GRIK3: variants seen among roughly 807,000 people sequenced by gnomAD.
GRIK3 encodes the protein glutamate ionotropic receptor kainate type subunit 3.
GRIK3 carries 29 observed loss-of-function variants against 102.5 expected under a neutral mutation model. The ratio of observed to expected loss-of-function variants is 0.28; its 90% CI spans 0.21 to 0.39. The LOEUF is 0.39. Among genes scored for constraint, GRIK3 ranks in the 10% least tolerant of loss-of-function variants. GRIK3 has a pLI of 1.00. For missense variants in GRIK3, 908 were observed against 1,252.4 expected (o/e 0.73, Z 4.15); for synonymous variants, 511 against 504.9 (o/e 1.01, Z -0.16).
chr1:36,957,430 TC>T (rs1641927344), intron 1 of GRIK3, among the ~76,000 whole-genome samples: 1 of 87,070 alleles, frequency 1.1e-5, no homozygotes, highest in African/African-American at 4.6e-5. Context: ...CCCATGAGCC[TC>T]TGTGCTCTGT....
intron 1 of GRIK3, among the ~76,000 whole-genome samples, chr1:36,998,109 T>A (rs1557457607): frequency 1.3e-5 from 2 of 152,194 alleles, no homozygotes; most frequent in Admixed American, 1.3e-4. Flanking sequence ...AGGCTCATCT[T>A]ATAGGGGCCA....
At chr1:36,802,666 G>A (rs547378816) in intron 15 of GRIK3, among the ~76,000 whole-genome samples, 1 of 152,302 alleles carries the variant, frequency 6.6e-6, no homozygotes, top group South Asian at 2.1e-4. Context: ...GGAACATCAA[G>A]AGCGCAGCGT....
intron 1 of GRIK3, among the ~76,000 whole-genome samples, chr1:36,967,181 G>A (rs975986926): frequency 2.0e-5 from 3 of 152,180 alleles, no homozygotes; most frequent in African/African-American, 7.2e-5. Context: ...AGTTTGATCA[G>A]TGCTGTGATA....
At chr1:37,029,128 C>A (rs1642794011) in intron 1 of GRIK3, among the ~76,000 whole-genome samples, 1 of 151,154 alleles carries the variant, frequency 6.6e-6, no homozygotes, top group Non-Finnish European at 1.5e-5. Context: ...GAAGAATCAG[C>A]ACCTGGGAGA....
intron 1 of GRIK3, among the ~76,000 whole-genome samples, chr1:37,007,448 C>T (rs916677546): frequency 6.6e-6 from 1 of 152,184 alleles, no homozygotes. Context: ...AGAAAACCTG[C>T]TAGAGGAGGT....
intron 11 of GRIK3, among the ~76,000 whole-genome samples, chr1:36,822,886 C>T (rs1034285357): frequency 2.0e-5 from 3 of 152,184 alleles, no homozygotes; most frequent in African/African-American, 7.2e-5. Context: ...TCCTACCTCA[C>T]CAGGCATGAA....
At chr1:36,851,702 ACCCGGTG>A (rs1640587584) in intron 8 of GRIK3, among the ~76,000 whole-genome samples, 1 of 152,218 alleles carries the variant, frequency 6.6e-6, no homozygotes, top group African/African-American at 2.4e-5. Flanking sequence ...GGTGGCTGTG[ACCCGGTG>A]CCTTGGTGAG....
chr1:36,898,842 A>C (rs147661628), intron 1 of GRIK3, among the ~76,000 whole-genome samples: 1 of 152,290 alleles, frequency 6.6e-6, no homozygotes, highest in Non-Finnish European at 1.5e-5. Context: ...TACTGGCATA[A>C]AGACAAACTA....
At chr1:36,869,896 T>C in intron 4 of GRIK3, 95 bp from the exon 5 acceptor site, 1 of 860,344 alleles carries the variant, frequency 1.2e-6, no homozygotes, top group Non-Finnish European at 2.0e-6. Flanking sequence ...TGGCAGTGGG[T>C]TGGGGAAGGC....
intron 1 of GRIK3, among the ~76,000 whole-genome samples, chr1:36,962,172 C>T (rs1432980439): frequency 1.3e-5 from 2 of 152,178 alleles, no homozygotes; most frequent in Middle Eastern, 3.2e-3. Flanking sequence ...CCCCTGGCCA[C>T]CCAGTACCTG....
Position 36,935,639 on chromosome 1 carries a change from C to T in GRIK3, c.116-44543G>A, listed in dbSNP as rs574883552. Among the ~76,000 whole-genome samples, 3 of 152,086 alleles carry T rather than the reference C, an allele frequency of 2.0e-5. No individual in the cohort carries two copies. The South Asian group carries it at 6.2e-4, about 32-fold the overall frequency. On this transcript the variant is annotated intron_variant, in intron 1 of 15. Transcript: ENST00000373091. Reference sequence around the variant, plus strand: ...TGGAAACTTCCCTCCTGAATGATCTCACTAATGGTAAATTGATGGGATTGA... The same window carrying T: ...TGGAAACTTCCCTCCTGAATGATCTTACTAATGGTAAATTGATGGGATTGA...
chr1:36,887,771 A>T (rs4653229), intron 2 of GRIK3, among the ~76,000 whole-genome samples: 69,332 of 106,334 alleles, frequency 0.65, 22,606 homozygotes, highest in East Asian at 0.8. Context: ...AAAAAAAAAA[A>T]ATATATATAT....
intron 1 of GRIK3, among the ~76,000 whole-genome samples, chr1:36,910,630 A>C (rs1641334133): frequency 6.6e-6 from 1 of 152,260 alleles, no homozygotes; most frequent in African/African-American, 2.4e-5. Flanking sequence ...TGTGGTTTAC[A>C]GAGGTGGAGC....
At chr1:37,027,623 C>T (rs957263258) in intron 1 of GRIK3, among the ~76,000 whole-genome samples, 5 of 152,216 alleles carry the variant, frequency 3.3e-5, no homozygotes, top group African/African-American at 1.2e-4. Flanking sequence ...AGCATGTAAG[C>T]TCTTTTGAAA....
At chr1:36,990,255 T>TCCACC (rs934149524) in intron 1 of GRIK3, among the ~76,000 whole-genome samples, 3 of 152,150 alleles carry the variant, frequency 2.0e-5, no homozygotes, top group Non-Finnish European at 4.4e-5. Context: ...CGATGCCCCA[T>TCCACC]CCACCCGACT....
intron 1 of GRIK3, among the ~76,000 whole-genome samples, chr1:36,893,541 A>G (rs1257706631): frequency 1.3e-5 from 2 of 152,206 alleles, no homozygotes; most frequent in Non-Finnish European, 2.9e-5. Context: ...CCATGGCTCC[A>G]GCTTTGGTGC....
intron 1 of GRIK3, among the ~76,000 whole-genome samples, chr1:36,944,592 C>A (rs190325025): frequency 1.3e-5 from 2 of 152,236 alleles, no homozygotes; most frequent in East Asian, 3.9e-4. Flanking sequence ...AGAAATGGGG[C>A]CTTGGAGACT....
intron 1 of GRIK3, among the ~76,000 whole-genome samples, chr1:36,935,027 G>T (rs1367944384): frequency 6.6e-6 from 1 of 152,032 alleles, no homozygotes; most frequent in Admixed American, 6.5e-5. Context: ...CCTCCCCATT[G>T]CCCACCAGCC....
chr1:37,027,163 A>T (rs1642773223), intron 1 of GRIK3, among the ~76,000 whole-genome samples: 1 of 152,072 alleles, frequency 6.6e-6, no homozygotes, highest in Non-Finnish European at 1.5e-5. Context: ...TGGGCAGCTG[A>T]GCTGTGACTA....
Sources: gnomAD v4.1 joint callset for allele counts (sites outside exome capture counted in the v4.1 genomes callset) on GRCh38, gnomAD v4.1.1 for gene constraint, MANE v1.5 for transcripts, NCBI Gene and HGNC (gene_info 2026-07-23, HGNC 2026-07-21) for gene names.